Variants in GRIP2 observed in about 807,000 individuals in gnomAD.
The protein encoded by GRIP2 is glutamate receptor-interacting protein 2.
GRIP2 carries 58 observed loss-of-function variants against 108.3 expected under a neutral mutation model. That is an observed-to-expected ratio of 0.54 (90% confidence interval 0.43 to 0.67). The LOEUF (loss-of-function observed/expected upper bound fraction) is 0.67, where lower values mean the gene tolerates loss of function less well. Ranked by LOEUF, GRIP2 falls within the 30% of genes least tolerant of loss-of-function variation. The probability of loss-of-function intolerance (pLI) is 0.00; values close to 1 mark genes in which losing one functional copy is unlikely to be tolerated. For missense variants in GRIP2, 1,278 were observed against 1,430.6 expected, an observed-to-expected ratio of 0.89 and a Z score of 1.72; for synonymous variants, 586 against 598.2, an observed-to-expected ratio of 0.98 and a Z score of 0.30.
At position 14,512,295 on chromosome 3, in the gene GRIP2, T is replaced by C. The variant is rs968747361; in HGVS notation, c.1720+482A>G. Among the ~76,000 whole-genome samples, 1 of 152,190 alleles carries C rather than the reference T, an allele frequency of 6.6e-6. No homozygotes were observed. Among genetic ancestry groups the C allele is most frequent in the African/African-American group, 2.4e-5 (1 of 41,444 alleles). ...ACTGGGGCCCGAGGCCCTCAGCTTTTACTCAGAATAAGATGGGAGCCACGG... is the reference window on the plus strand; with the variant it reads ...ACTGGGGCCCGAGGCCCTCAGCTTTCACTCAGAATAAGATGGGAGCCACGG... On this transcript the variant is annotated intron_variant, in intron 14 of 23. Coordinates refer to ENST00000621039, the MANE Select transcript of GRIP2 (RefSeq NM_001080423.4). The surrounding 1 kb of genome is among the most constrained non-coding windows in gnomAD (Gnocchi z 5.1).
chr3:14,586,266 G>A, the GRIP2 span, among the ~76,000 whole-genome samples: 3 of 152,126 alleles, frequency 2.0e-5, no homozygotes, highest in African/African-American at 4.8e-5. Context: ...TCTTCCCCCA[G>A]TGAACTCTTA....
chr3:14,533,565 G>A lies in GRIP2; in HGVS notation c.40+6704C>T, dbSNP rs148604919. Reference sequence around the variant, plus strand: ...TCAGAAATTCAGACGGAGGAACAACGGCACCCCCAAGAGCTGGATGCTGAA... The same window carrying A: ...TCAGAAATTCAGACGGAGGAACAACAGCACCCCCAAGAGCTGGATGCTGAA... On this transcript the variant is annotated intron_variant, in intron 1 of 23. Coordinates refer to ENST00000621039, the MANE Select transcript of GRIP2 (RefSeq NM_001080423.4). Among the ~76,000 whole-genome samples the A allele has an allele frequency of 3.6e-3, 545 of 152,242 alleles. 4 individuals are homozygous for A. Among genetic ancestry groups the A allele is most frequent in the East Asian group, 0.012 (64 of 5,172 alleles).
At chr3:14,527,125 T>A (rs901833687) in intron 1 of GRIP2, among the ~76,000 whole-genome samples, 3 of 152,110 alleles carry the variant, frequency 2.0e-5, no homozygotes, top group African/African-American at 4.8e-5. Context: ...AAGTCGAGAC[T>A]ACAGTGAGCT....
At chr3:14,581,147 G>A in the GRIP2 span, among the ~76,000 whole-genome samples, 1 of 152,240 alleles carries the variant, frequency 6.6e-6, no homozygotes, top group Non-Finnish European at 1.5e-5. Flanking sequence ...TAGATGTTCG[G>A]ATGGGTGGAT....
chr3:14,562,940 GAATTA>G, the GRIP2 span, among the ~76,000 whole-genome samples: 152 of 152,222 alleles, frequency 1.0e-3, no homozygotes, highest in African/African-American at 3.5e-3. Flanking sequence ...GCAGAAGAAT[GAATTA>G]AATGATACCA....
chr3:14,517,437 C>T (rs1191830196), intron 10 of GRIP2, among the ~76,000 whole-genome samples: 1 of 147,488 alleles, frequency 6.8e-6, no homozygotes, highest in East Asian at 2.0e-4. Context: ...AGGGACGGGG[C>T]CAATCTTGCC....
At chr3:14,590,926 G>A in the GRIP2 span, among the ~76,000 whole-genome samples, 1 of 152,278 alleles carries the variant, frequency 6.6e-6, no homozygotes, top group Admixed American at 6.5e-5. Context: ...AAAACTTACT[G>A]GTAACTGATT....
At chr3:14,520,066 T>A in intron 9 of GRIP2, 44 bp downstream of exon 9, 2 of 1,538,034 alleles carry the variant, frequency 1.3e-6, no homozygotes, top group Non-Finnish European at 1.8e-6. Context: ...TCAGGCCTCA[T>A]GACTGCCCAG....
Position 14,493,003 on chromosome 3 carries a change from G to A in GRIP2, c.*662C>T, listed in dbSNP as rs1446367749. 6.6e-6 allele frequency: 1 copy of A among 152,210 alleles called. No homozygotes were observed. Among genetic ancestry groups the A allele is most frequent in the Non-Finnish European group, 1.5e-5 (1 of 68,042 alleles). 9.4% of individuals were successfully genotyped at this position (152,210 alleles called of 1,614,324 possible). On this transcript the variant is annotated 3_prime_UTR_variant, in exon 24 of 24. Coordinates refer to ENST00000621039, the MANE Select transcript of GRIP2 (RefSeq NM_001080423.4). ...CCCAACTTAAGAGTCTCATAAGTGG[G>A]GACCAGATTCTGGGAATCTCAGAAT...
At chr3:14,524,175 T>C (rs1694488091) in intron 4 of GRIP2, 1 of 591,076 alleles carries the variant, frequency 1.7e-6, no homozygotes, top group Admixed American at 3.1e-5. Flanking sequence ...ACTAAATATG[T>C]AAAATGACAT....
chr3:14,499,583 C>T (rs151316212), intron 21 of GRIP2, among the ~76,000 whole-genome samples: 238 of 151,734 alleles, frequency 1.6e-3, no homozygotes, highest in African/African-American at 5.3e-3. Context: ...ATTAACCAAG[C>T]GTGGTGGTGC....
intron 13 of GRIP2, 95 bp downstream of exon 13, chr3:14,513,570 G>A: frequency 1.4e-6 from 2 of 1,434,554 alleles, no homozygotes; most frequent in African/African-American, 1.4e-5. Flanking sequence ...CACAGAGGGG[G>A]ATGGGGTGGA....
chr3:14,597,545 T>C, the GRIP2 span, among the ~76,000 whole-genome samples: 2 of 152,256 alleles, frequency 1.3e-5, no homozygotes, highest in Middle Eastern at 3.4e-3. Flanking sequence ...TGAGGCTTTT[T>C]TTATGTGTTT....
In GRIP2 at chr3:14,524,348, C is replaced by T. The variant is rs539404044; in HGVS notation, c.403+45G>A. The stretch of plus-strand genomic sequence containing the variant: ...TGGTGGGGAGGTAGCCGTGTCCACC[C>T]GCAACCGAGGCAGTGGAGAAAGTTC... On this transcript the variant is annotated intron_variant, in intron 4 of 23. Transcript: ENST00000621039. The T allele has an allele frequency of 4.5e-5, 72 of 1,583,626 alleles. 6 individuals carry two copies. In the South Asian group the frequency reaches 6.6e-4, roughly 14 times the overall value.
upstream of GRIP2, among the ~76,000 whole-genome samples, chr3:14,542,960 T>C (rs1194435466): frequency 6.6e-6 from 1 of 152,116 alleles, no homozygotes; most frequent in African/African-American, 2.4e-5. Context: ...GGCCTCAGGA[T>C]TTCAGGGATT....
the GRIP2 span, among the ~76,000 whole-genome samples, chr3:14,564,150 G>A: frequency 2.0e-5 from 3 of 152,336 alleles, no homozygotes; most frequent in South Asian, 2.1e-4. Flanking sequence ...GGGCTAGGGC[G>A]GCTGGCTGAC....
chr3:14,599,024 T>C, the GRIP2 span, among the ~76,000 whole-genome samples: 1 of 152,152 alleles, frequency 6.6e-6, no homozygotes, highest in East Asian at 1.9e-4. Context: ...TGTATTCCTG[T>C]GTTGTCTTCA....
intron 1 of GRIP2, among the ~76,000 whole-genome samples, chr3:14,549,530 G>A (rs1441436661): frequency 6.6e-6 from 1 of 152,222 alleles, no homozygotes; most frequent in Non-Finnish European, 1.5e-5. Flanking sequence ...ACTTCCTGGA[G>A]GGTTCCCCAA....
chr3:14,590,786 T>G, the GRIP2 span, among the ~76,000 whole-genome samples: 1 of 152,166 alleles, frequency 6.6e-6, no homozygotes, highest in Non-Finnish European at 1.5e-5. Flanking sequence ...ATTAAGTGTA[T>G]AAAGGGGCTG....
Sources: gnomAD v4.1 joint callset for allele counts (sites outside exome capture counted in the v4.1 genomes callset) on GRCh38, gnomAD v4.1.1 for gene constraint, Gnocchi (gnomAD v3.1) non-coding constraint, MANE v1.5 for transcripts, NCBI Gene and HGNC (gene_info 2026-07-23, HGNC 2026-07-21) for gene names.